ATP2A3: variants seen among roughly 807,000 people sequenced by gnomAD.
The protein encoded by ATP2A3 is sarcoplasmic/endoplasmic reticulum calcium ATPase 3.
Under a neutral mutation model 106.8 loss-of-function variants are expected in ATP2A3, and 61 were observed. The observed-to-expected ratio is 0.57, with a 90% CI of 0.46 to 0.71. The LOEUF is 0.71. Ranked by LOEUF, ATP2A3 falls within the 30% of genes least tolerant of loss-of-function variation. The pLI is 0.00. For synonymous variants in ATP2A3, 611 were observed against 609.3 expected, an observed-to-expected ratio of 1.00 and a Z score of -0.04; for missense variants, 1,201 against 1,423.5, an observed-to-expected ratio of 0.84 and a Z score of 2.52.
chr17:3,954,218 C>G (rs1424608593), intron 1 of ATP2A3, among the ~76,000 whole-genome samples: 2 of 152,158 alleles, frequency 1.3e-5, no homozygotes, highest in Non-Finnish European at 2.9e-5. Context: ...CACCCTGCCT[C>G]TAACATCCCT....
rs1350632228 is a variant in ATP2A3, at chr17:3,945,048, C to T, written c.1184+12G>A. 3 of 1,534,390 alleles carry T rather than the reference C, an allele frequency of 2.0e-6. No homozygotes were observed. Among genetic ancestry groups the T allele is most frequent in the Non-Finnish European group, 2.6e-6 (3 of 1,138,740 alleles). Reference sequence around the variant, plus strand: ...GGCCGCCCGCCCGCGCGTCCCCTGGCCCCGCACTCACACTTCGCCCTCGGG... The same window carrying T: ...GGCCGCCCGCCCGCGCGTCCCCTGGTCCCGCACTCACACTTCGCCCTCGGG... On this transcript the variant is annotated intron_variant, in intron 9 of 20. Coordinates refer to ENST00000397041, the MANE Select transcript of ATP2A3 (RefSeq NM_005173.4).
At chr17:3,961,623 C>T (rs2055141727) in intron 1 of ATP2A3, among the ~76,000 whole-genome samples, 1 of 152,180 alleles carries the variant, frequency 6.6e-6, no homozygotes, top group Non-Finnish European at 1.5e-5. Flanking sequence ...CCAACAATAA[C>T]GACCTTGCAG....
intron 1 of ATP2A3, among the ~76,000 whole-genome samples, chr17:3,963,897 G>A (rs941285692): frequency 2.6e-5 from 4 of 152,088 alleles, no homozygotes; most frequent in African/African-American, 4.8e-5. Flanking sequence ...CAGGGTGGAC[G>A]GGGCCGGAGT....
At position 3,930,392 on chromosome 17, in the gene ATP2A3, C is replaced by G. The variant is rs149912039; in HGVS notation, c.2653G>C (p.Gly885Arg). Residue 885 changes from glycine (G) to arginine (R), a missense_variant, in exon 18 of 21, where the codon GGC becomes CGC. This residue lies in a region of ATP2A3 where 935 missense variants were observed against 1,176.7 expected (regional missense o/e 0.79). Transcript: ENST00000397041. The surrounding 1 kb of genome is among the most constrained non-coding windows in gnomAD (Gnocchi z 5.4). Reference sequence around the variant, plus strand: ...GACTCGAACACCTCACAGTCGATGCCGGCAAAGAGCGGGTTGTCTTCGGAG... The same window carrying G: ...GACTCGAACACCTCACAGTCGATGCGGGCAAAGAGCGGGTTGTCTTCGGAG... ...KCSEDNPLFAGIDCEVFESRF... is the reference protein window; with the variant it reads ...KCSEDNPLFARIDCEVFESRF... The G allele has an allele frequency of 3.7e-6, 6 of 1,613,928 alleles. No individual in the cohort carries two copies. The highest frequency in any genetic ancestry group is 3.3e-5 in the South Asian group (3 of 91,032).
chr17:3,961,690 T>G (rs916159), intron 1 of ATP2A3, among the ~76,000 whole-genome samples: 1 of 151,982 alleles, frequency 6.6e-6, no homozygotes, highest in Non-Finnish European at 1.5e-5. Context: ...CCTTCTGCCC[T>G]CAGGCCTGAC....
intron 14 of ATP2A3, among the ~76,000 whole-genome samples, chr17:3,939,827 C>T (rs1045314761): frequency 3.8e-5 from 5 of 130,732 alleles, no homozygotes; most frequent in Non-Finnish European, 6.4e-5. Context: ...TAATCTGATA[C>T]GACAAGGCAG....
chr17:3,927,487 G>A, intron 20 of ATP2A3: 2 of 985,450 alleles, frequency 2.0e-6, no homozygotes, highest in South Asian at 4.7e-5. Context: ...GCAGGTGAGT[G>A]AGTGTGGTCA....
intron 11 of ATP2A3, 104 bp downstream of exon 11, chr17:3,943,284 AAAC>A (rs1338188936): frequency 2.0e-6 from 3 of 1,522,818 alleles, no homozygotes; most frequent in Non-Finnish European, 1.8e-6. Flanking sequence ...AAAAAAAAAA[AAAC>A]AAAACGAAAC....
rs2052714179 is a variant in ATP2A3, at chr17:3,926,490, G to GT, written c.2981-1050dup. On this transcript the variant is annotated intron_variant, in intron 20 of 20. Transcript: ENST00000397041. This position sits in a 1 kb window ranked among gnomAD's most constrained non-coding sequence, Gnocchi z 4.6. ...CCGTCAACATCTCAAGGAGGTGGAG[G>GT]TGGAGGTGCTTTCTGGGGCCAGCTC... 6.6e-6 allele frequency among the ~76,000 whole-genome samples: 1 copy of GT among 152,156 alleles called. No individual in the cohort carries two copies. Among genetic ancestry groups the GT allele is most frequent in the Admixed American group, 6.5e-5 (1 of 15,288 alleles).
chr17:3,942,096 T>C (rs568133524), intron 12 of ATP2A3, among the ~76,000 whole-genome samples: 1 of 152,114 alleles, frequency 6.6e-6, no homozygotes, highest in Non-Finnish European at 1.5e-5. Context: ...ATGGCGGGCA[T>C]AGCCCTGGGA....
chr17:3,935,892 T>C (rs981040945), intron 16 of ATP2A3, among the ~76,000 whole-genome samples: 3 of 152,126 alleles, frequency 2.0e-5, no homozygotes, highest in Admixed American at 2.0e-4. Context: ...CCCACAATGC[T>C]GGGGTTACAA....
rs2054454953 is a variant in ATP2A3 at position 3,951,683 on chromosome 17, G to C, written c.222C>G (p.Val74=). The C allele has an allele frequency of 1.2e-6, 2 of 1,606,810 alleles. No individual in the cohort carries two copies. The highest frequency in any genetic ancestry group is 1.1e-5 in the South Asian group (1 of 89,436). ...ILLLAALVSF[V]LAWFEEGEET... ...CCTCGCCCTCCTCGAACCAGGCCAG[G>C]ACCTGCAGGATCACAGCTGGTGAGC... is the stretch of plus-strand genomic sequence containing the variant. Residue 74 remains valine, a splice_region_variant and synonymous_variant, in exon 4 of 21, where the codon GTC becomes GTG. Coordinates refer to ENST00000397041, the MANE Select transcript of ATP2A3 (RefSeq NM_005173.4).
Position 3,953,144 on chromosome 17 carries a change from G to C in ATP2A3, c.219+203C>G. On this transcript the variant is annotated intron_variant, in intron 3 of 20. Transcript: ENST00000397041. This position sits in a 1 kb window ranked among gnomAD's most constrained non-coding sequence, Gnocchi z 5.1. ...TAAGATGGATTGGAGGGGTCAGGTGGGAGCCGGGGACCCAATGTAGGGGCC... is the reference window on the plus strand; with the variant it reads ...TAAGATGGATTGGAGGGGTCAGGTGCGAGCCGGGGACCCAATGTAGGGGCC... 2 of 626,046 alleles carry C rather than the reference G, an allele frequency of 3.2e-6. No homozygotes were observed. The highest frequency in any genetic ancestry group is 5.7e-6 in the Non-Finnish European group (2 of 349,244). 38.8% of individuals were successfully genotyped at this position (626,046 alleles called of 1,614,324 possible).
At chr17:3,951,443 C>G in intron 4 of ATP2A3, 54 bp from the exon 5 acceptor site, 1 of 1,612,194 alleles carries the variant, frequency 6.2e-7, no homozygotes, top group South Asian at 1.1e-5. Context: ...CCGCAGACCA[C>G]CCCCTTGGAG....
At chr17:3,946,485 G>A (rs2054126807) in intron 8 of ATP2A3, among the ~76,000 whole-genome samples, 1 of 152,072 alleles carries the variant, frequency 6.6e-6, no homozygotes, top group South Asian at 2.1e-4. Context: ...AACCTGGGAG[G>A]CAGAGGTTGC....
chr17:3,952,258 G>A (rs536967856), intron 3 of ATP2A3, among the ~76,000 whole-genome samples: 2 of 152,192 alleles, frequency 1.3e-5, no homozygotes, highest in Admixed American at 6.5e-5. Flanking sequence ...CTAATTTTTC[G>A]TATTTTAGTA....
intron 1 of ATP2A3, among the ~76,000 whole-genome samples, chr17:3,958,847 T>A (rs1213386688): frequency 3.1e-5 from 3 of 95,616 alleles, no homozygotes; most frequent in South Asian, 2.7e-4. Flanking sequence ...CACACATATA[T>A]AAATATATAT....
In ATP2A3 at chr17:3,941,610, C is replaced by A. The variant is rs2053782412; in HGVS notation, c.1590G>T (p.Val530=). ...SVIERCSSVR[V]GSRTAPLTPT... is the part of the protein sequence containing the mutation. ...GGGTCAGGGGTGCTGTGCGGCTCCC[C>A]ACGCGGACTGAGCTACAGCGCTCGA... Residue 530 remains valine (V), a synonymous_variant, in exon 13 of 21, where the codon GTG becomes GTT. Coordinates refer to ENST00000397041, the MANE Select transcript of ATP2A3 (RefSeq NM_005173.4). The A allele has an allele frequency of 1.2e-6, 2 of 1,611,574 alleles. No individual in the cohort carries two copies. Among genetic ancestry groups the A allele is most frequent in the Admixed American group, 1.7e-5 (1 of 59,996 alleles).
chr17:3,944,659 G>C, intron 10 of ATP2A3, 45 bp downstream of exon 10: 1 of 1,584,852 alleles, frequency 6.3e-7, no homozygotes, highest in Non-Finnish European at 8.6e-7. Flanking sequence ...GGTCTGTCCT[G>C]GTCGCCTGGA....
Sources: allele counts gnomAD v4.1 joint callset (sites outside exome capture counted in the v4.1 genomes callset), GRCh38; gene constraint gnomAD v4.1.1; regional missense constraint gnomAD v4.1.1; non-coding constraint Gnocchi (gnomAD v3.1); transcripts MANE v1.5; gene names NCBI Gene and HGNC (gene_info 2026-07-23, HGNC 2026-07-21).